Variants in RBM47 observed in about 807,000 individuals in gnomAD.
RBM47 encodes RNA-binding protein 47.
A neutral mutation model predicts 47.1 loss-of-function variants in RBM47; 21 were observed. That is an observed-to-expected ratio of 0.45 (90% CI 0.32 to 0.64). The LOEUF is 0.64. Ranked by LOEUF, RBM47 falls within the 30% of genes least tolerant of loss-of-function variation. The pLI, the probability that RBM47 is intolerant of heterozygous loss-of-function variation, is 0.05. For synonymous variants in RBM47, 375 were observed against 361.7 expected (o/e 1.04, Z -0.42); for missense variants, 708 against 870.9 (o/e 0.81, Z 2.35).
intron 2 of RBM47, among the ~76,000 whole-genome samples, chr4:40,487,689 A>G (rs1003553442): frequency 1.3e-5 from 2 of 152,230 alleles, no homozygotes; most frequent in African/African-American, 4.8e-5. Context: ...GCATAGCTAC[A>G]CAAAGAATAA....
chr4:40,496,531 A>C (rs1322983559), intron 2 of RBM47, among the ~76,000 whole-genome samples: 1 of 152,140 alleles, frequency 6.6e-6, no homozygotes, highest in East Asian at 1.9e-4. Context: ...CAACCATTGC[A>C]ATTGTTCAGC....
At chr4:40,563,548 G>C (rs1033804385) in intron 1 of RBM47, among the ~76,000 whole-genome samples, 1 of 152,190 alleles carries the variant, frequency 6.6e-6, no homozygotes, top group African/African-American at 2.4e-5. Context: ...GATTCAGAGA[G>C]AAAGGTGACT....
intron 5 of RBM47, among the ~76,000 whole-genome samples, chr4:40,436,169 C>G (rs1272488414): frequency 1.6e-5 from 2 of 128,414 alleles, no homozygotes; most frequent in Non-Finnish European, 3.3e-5. Flanking sequence ...GAGACTCTGT[C>G]TCAAAAAAAA....
intron 3 of RBM47, among the ~76,000 whole-genome samples, chr4:40,457,705 G>A (rs530025123): frequency 6.6e-6 from 1 of 152,318 alleles, no homozygotes; most frequent in East Asian, 1.9e-4. Context: ...AAAGTGCTGG[G>A]ATTAGAGGCA....
intron 1 of RBM47, among the ~76,000 whole-genome samples, chr4:40,605,562 G>C (rs1236905818): frequency 6.6e-6 from 1 of 152,060 alleles, no homozygotes; most frequent in African/African-American, 2.4e-5. Context: ...CGGGCACGGT[G>C]GCTCACGCCT....
intron 1 of RBM47, among the ~76,000 whole-genome samples, chr4:40,609,550 T>C (rs575119819): frequency 2.6e-5 from 4 of 151,752 alleles, no homozygotes; most frequent in Non-Finnish European, 4.4e-5. Context: ...TGACCTCAAG[T>C]GATCTGCCCG....
At chr4:40,435,272 G>A (rs1000973058) in intron 5 of RBM47, among the ~76,000 whole-genome samples, 1 of 152,198 alleles carries the variant, frequency 6.6e-6, no homozygotes, top group African/African-American at 2.4e-5. Context: ...GCAAAGGCCA[G>A]GTGCAGTGGC....
rs1003507434 is a variant in RBM47 at position 40,554,039 on chromosome 4, G to A, written c.-239-9533C>T. On this transcript the variant is annotated intron_variant, in intron 1 of 6. Transcript: ENST00000295971. ...ATAGAAATGGTGAACATCAGGAGAC[G>A]CGGGACCACTTAAAGGATGCACAGT... Among the ~76,000 whole-genome samples the A allele has an allele frequency of 5.0e-4, 76 of 152,092 alleles. 1 individual carries two copies. The highest frequency in any genetic ancestry group is 1.3e-4 in the Non-Finnish European group (9 of 68,020).
At chr4:40,558,917 C>A (rs564024185) in intron 1 of RBM47, among the ~76,000 whole-genome samples, 25 of 151,940 alleles carry the variant, frequency 1.6e-4, no homozygotes, top group Middle Eastern at 3.4e-3. Context: ...TCACTTGAAC[C>A]CAGGAGGCGG....
chr4:40,567,949 A>G (rs1283922808), intron 1 of RBM47, among the ~76,000 whole-genome samples: 1 of 151,994 alleles, frequency 6.6e-6, no homozygotes, highest in Non-Finnish European at 1.5e-5. Flanking sequence ...AGAATGTTCT[A>G]AAGTCCCAAA....
At chr4:40,481,886 T>C (rs1455727166) in intron 2 of RBM47, among the ~76,000 whole-genome samples, 2 of 152,238 alleles carry the variant, frequency 1.3e-5, no homozygotes, top group Non-Finnish European at 2.9e-5. Context: ...AGTTTCGCCA[T>C]GTTGGCCACG....
At chr4:40,467,295 CT>C (rs969519569) in intron 2 of RBM47, among the ~76,000 whole-genome samples, 217 of 145,012 alleles carry the variant, frequency 1.5e-3, no homozygotes, top group African/African-American at 2.9e-3. Flanking sequence ...AGGTAAGACT[CT>C]TTTTTTTTTT....
chr4:40,592,829 A>G (rs1734289402), intron 1 of RBM47, among the ~76,000 whole-genome samples: 1 of 149,756 alleles, frequency 6.7e-6, no homozygotes, highest in Non-Finnish European at 1.5e-5. Context: ...AGTGAGCCAC[A>G]GCACTCGACC....
At chr4:40,621,432 A>C (rs576813758) in intron 1 of RBM47, among the ~76,000 whole-genome samples, 1 of 152,312 alleles carries the variant, frequency 6.6e-6, no homozygotes, top group East Asian at 1.9e-4. Flanking sequence ...GTATTTGTAC[A>C]AAGGTTCTGG....
intron 2 of RBM47, among the ~76,000 whole-genome samples, chr4:40,515,707 AGCCCGTCTCC>A (rs1725487464): frequency 6.6e-6 from 1 of 152,204 alleles, no homozygotes; most frequent in Non-Finnish European, 1.5e-5. Flanking sequence ...AACCTCCCTG[AGCCCGTCTCC>A]TCATCTATAA....
chr4:40,543,976 G>A (rs903831626), intron 2 of RBM47: 1 of 151,676 alleles, frequency 6.6e-6, no homozygotes, highest in African/African-American at 2.4e-5. Flanking sequence ...CTTAATGCTG[G>A]TCATTTGGGG....
intron 2 of RBM47, chr4:40,543,283 T>C (rs945794831): frequency 1.2e-4 from 19 of 152,114 alleles, no homozygotes; most frequent in Admixed American, 9.8e-4. Context: ...GGACATAGCA[T>C]GGAGTGTTTT....
intron 3 of RBM47, among the ~76,000 whole-genome samples, chr4:40,451,948 T>C (rs1715506068): frequency 1.3e-5 from 2 of 151,772 alleles, no homozygotes; most frequent in African/African-American, 4.8e-5. Context: ...GGCGGGCAGA[T>C]TGCCTGAGGT....
chr4:40,525,465 T>C (rs575939358), intron 2 of RBM47, among the ~76,000 whole-genome samples: 4 of 152,272 alleles, frequency 2.6e-5, no homozygotes, highest in East Asian at 3.9e-4. Context: ...GTCTTTCATA[T>C]TGGCCAGATT....
Sources: gnomAD v4.1 joint callset for allele counts (sites outside exome capture counted in the v4.1 genomes callset) on GRCh38, gnomAD v4.1.1 for gene constraint, MANE v1.5 for transcripts, NCBI Gene and HGNC (gene_info 2026-07-23, HGNC 2026-07-21) for gene names.